Variants in FYB2 observed in about 807,000 individuals in gnomAD.
FYB2 encodes the protein FYN binding protein 2, also known as FYN-binding protein 2.
FYB2 carries 103 observed loss-of-function variants against 94.1 expected under a neutral mutation model. The ratio of observed to expected loss-of-function variants is 1.09; its 90% CI spans 0.93 to 1.29. The LOEUF (loss-of-function observed/expected upper bound fraction) is 1.29. Among genes scored for constraint, FYB2 ranks in the 50% most tolerant of loss-of-function variants. The probability of loss-of-function intolerance (pLI) is 0.00; values close to 1 mark genes in which losing one functional copy is unlikely to be tolerated. For synonymous variants in FYB2, 293 were observed against 287.9 expected, an observed-to-expected ratio of 1.02 and a Z score of -0.18; for missense variants, 896 against 841.5, an observed-to-expected ratio of 1.06 and a Z score of -0.80.
At chr1:56,760,398 C>T (rs890973016) in intron 5 of FYB2, among the ~76,000 whole-genome samples, 3 of 152,100 alleles carry the variant, frequency 2.0e-5, no homozygotes, top group Admixed American at 6.6e-5. Context: ...GGACTGTCAG[C>T]ATATAATTGT....
rs41285924 is a variant in FYB2, at chr1:56,719,667, T to C, written c.*4A>G. The stretch of plus-strand genomic sequence containing the variant: ...GCAGTCCATAGCATTTGATCTTGAT[T>C]TTTCTAAGGTGACCAACTTTGATGC... On this transcript the variant is annotated 3_prime_UTR_variant, in exon 20 of 20. Transcript: ENST00000343433. 0.12 allele frequency: 188,872 copies of C among 1,592,424 alleles called. 12,548 individuals carry two copies. Among genetic ancestry groups the C allele is most frequent in the African/African-American group, 0.22 (16,483 of 74,126 alleles).
intron 1 of FYB2, among the ~76,000 whole-genome samples, chr1:56,817,750 G>T (rs1038465158): frequency 1.3e-5 from 2 of 152,182 alleles, no homozygotes; most frequent in South Asian, 2.1e-4. Flanking sequence ...AGCAGTGAAA[G>T]TTATATAATC....
At chr1:56,811,290 T>G (rs1346479487) in intron 1 of FYB2, among the ~76,000 whole-genome samples, 3 of 152,186 alleles carry the variant, frequency 2.0e-5, no homozygotes, top group Non-Finnish European at 4.4e-5. Context: ...CCAAGAAATT[T>G]AGCTTCAAAA....
At chr1:56,801,684 C>T (rs553221561) in intron 1 of FYB2, among the ~76,000 whole-genome samples, 11 of 152,340 alleles carry the variant, frequency 7.2e-5, no homozygotes, top group African/African-American at 2.4e-4. Context: ...GGTGCCCCAA[C>T]TCCAGCAATG....
chr1:56,791,374 G>C (rs1219867479), intron 2 of FYB2, among the ~76,000 whole-genome samples: 1 of 151,694 alleles, frequency 6.6e-6, no homozygotes, highest in Non-Finnish European at 1.5e-5. Flanking sequence ...TTGTGTCTCA[G>C]CTTCCCGAGT....
chr1:56,725,687 G>C (rs1402121520), intron 16 of FYB2, among the ~76,000 whole-genome samples: 2 of 151,990 alleles, frequency 1.3e-5, no homozygotes, highest in Non-Finnish European at 2.9e-5. Flanking sequence ...ATTACATCAA[G>C]TCTAAACTTA....
rs919189867 is a variant in FYB2 at position 56,758,706 on chromosome 1, G to A, written c.1098+10C>T. 3.8e-6 allele frequency: 6 copies of A among 1,584,016 alleles called. No individual in the cohort carries two copies. The highest frequency in any genetic ancestry group is 3.5e-5 in the South Asian group (3 of 86,170). On this transcript the variant is annotated intron_variant, in intron 6 of 19. Transcript: ENST00000343433. ...CTTTTAGTTACAATGTTGGTAAGGA[G>A]AAACAATACCTTTTGGAGTTCTTCA...
rs17114336 is a variant in FYB2, at chr1:56,792,438, G to C, written c.375C>G (p.Ile125Met). The C allele has an allele frequency of 2.9e-3, 4,681 of 1,614,124 alleles. 108 individuals are homozygous for C. In the African/African-American group the frequency reaches 0.052, roughly 18 times the overall value. The change falls in exon 2 of 20, where the codon ATC (isoleucine) becomes ATG (methionine). Residue 125 changes from isoleucine (I) to methionine (M), a missense_variant. Ile to Met is a conservative substitution (Grantham distance 10). Coordinates refer to ENST00000343433, the MANE Select transcript of FYB2 (RefSeq NM_001004303.5). ...TGGCCACCATTACTTTTTCCTTAGTGATTATCTCAACATTTGATTGAGTCA... is the reference window on the plus strand; with the variant it reads ...TGGCCACCATTACTTTTTCCTTAGTCATTATCTCAACATTTGATTGAGTCA... Reference protein sequence around the residue: ...LEVTQSNVEIITKEKVMVANS... With the variant: ...LEVTQSNVEIMTKEKVMVANS...
chr1:56,752,373 A>G (rs1308082223), intron 8 of FYB2, among the ~76,000 whole-genome samples: 1 of 152,026 alleles, frequency 6.6e-6, no homozygotes, highest in Non-Finnish European at 1.5e-5. Context: ...TAATTGTCCA[A>G]TGAGAGAAAG....
intron 1 of FYB2, among the ~76,000 whole-genome samples, chr1:56,818,191 C>T (rs954979289): frequency 5.3e-5 from 8 of 151,816 alleles, no homozygotes; most frequent in Non-Finnish European, 8.8e-5. Flanking sequence ...GTGGGGGTGG[C>T]GGGGAGAACT....
At chr1:56,755,352 G>T (rs1265354357) in intron 7 of FYB2, among the ~76,000 whole-genome samples, 2 of 152,094 alleles carry the variant, frequency 1.3e-5, no homozygotes, top group East Asian at 1.9e-4. Flanking sequence ...GGTACCACAG[G>T]CAAGGGATTG....
At chr1:56,725,157 A>G (rs1479874104) in intron 16 of FYB2, among the ~76,000 whole-genome samples, 2 of 152,062 alleles carry the variant, frequency 1.3e-5, no homozygotes, top group Admixed American at 6.6e-5. Context: ...ACCATGAACT[A>G]AATAAACCTC....
intron 14 of FYB2, among the ~76,000 whole-genome samples, chr1:56,738,116 G>A (rs754677482): frequency 6.6e-6 from 1 of 152,014 alleles, no homozygotes; most frequent in Non-Finnish European, 1.5e-5. Context: ...TATGTGTCAA[G>A]CACCGTGCTA....
chr1:56,777,239 CAAAAAAAAAAAA>C (rs1453236717), intron 4 of FYB2, among the ~76,000 whole-genome samples: 6 of 4,800 alleles, frequency 1.3e-3, no homozygotes, highest in South Asian at 0.011. Flanking sequence ...GTCTCAAAAA[CAAAAAAAAAAAA>C]AAAAAAAAAA....
intron 9 of FYB2, 74 bp from the exon 10 acceptor site, chr1:56,744,340 C>A: frequency 9.3e-7 from 1 of 1,078,776 alleles, no homozygotes; most frequent in Non-Finnish European, 1.4e-6. Flanking sequence ...ACATCACTGG[C>A]AGTGGAGGCA....
At chr1:56,770,841 A>C (rs1316251566) in intron 4 of FYB2, among the ~76,000 whole-genome samples, 1 of 152,190 alleles carries the variant, frequency 6.6e-6, no homozygotes, top group East Asian at 1.9e-4. Flanking sequence ...TCCAGTCATC[A>C]CTGAAGAGTC....
intron 5 of FYB2, among the ~76,000 whole-genome samples, chr1:56,762,877 C>A (rs923087558): frequency 2.0e-5 from 3 of 152,178 alleles, no homozygotes; most frequent in African/African-American, 7.2e-5. Flanking sequence ...TGTAGGCTTG[C>A]TGTACATGTT....
At chr1:56,789,932 C>G (rs1299451247) in intron 2 of FYB2, among the ~76,000 whole-genome samples, 1 of 152,256 alleles carries the variant, frequency 6.6e-6, no homozygotes, top group African/African-American at 2.4e-5. Flanking sequence ...TAGCCTAGGA[C>G]TGGCTTCAAG....
chr1:56,815,190 A>G (rs1214968739), intron 1 of FYB2, among the ~76,000 whole-genome samples: 1 of 151,878 alleles, frequency 6.6e-6, no homozygotes, highest in Non-Finnish European at 1.5e-5. Context: ...CATATTACCC[A>G]TCTCTGCTGC....
Sources: allele counts gnomAD v4.1 joint callset (sites outside exome capture counted in the v4.1 genomes callset), GRCh38; gene constraint gnomAD v4.1.1; transcripts MANE v1.5; gene names NCBI Gene and HGNC (gene_info 2026-07-23, HGNC 2026-07-21).